The following TMEM132B variants were observed in gnomAD, a reference collection of about 807,000 sequenced individuals.
TMEM132B encodes the protein transmembrane protein 132B.
TMEM132B carries 18 observed loss-of-function variants against 90.8 expected under a neutral mutation model. That is an observed-to-expected ratio of 0.20 (90% CI 0.14 to 0.29). The LOEUF is 0.29. TMEM132B is among the 10% of genes least tolerant of loss of function. TMEM132B has a pLI of 1.00. For synonymous variants in TMEM132B, 504 were observed against 523.3 expected (o/e 0.96, Z 0.50); for missense variants, 1,096 against 1,326.8 (o/e 0.83, Z 2.70).
rs566286996 is a variant in TMEM132B, at chr12:125,314,426, G to C, written c.68-35026G>C. On this transcript the variant is annotated intron_variant, in intron 1 of 8. Transcript: ENST00000682704. ...GAAGCCTGGTTTGCAAGGTAACGCTGCCTTCTGCCTTGAAGGCGAGGAACA... is the reference window on the plus strand; with the variant it reads ...GAAGCCTGGTTTGCAAGGTAACGCTCCCTTCTGCCTTGAAGGCGAGGAACA... Among the ~76,000 whole-genome samples, 6 of 152,350 alleles carry C rather than the reference G, an allele frequency of 3.9e-5. No individual in the cohort carries two copies. In the South Asian group the frequency reaches 8.3e-4, roughly 21 times the overall value.
In TMEM132B at chr12:125,389,366, C is replaced by T. The variant is rs368629866; in HGVS notation, c.960-26165C>T. Among the ~76,000 whole-genome samples, 80 of 134,570 alleles carry T rather than the reference C, an allele frequency of 5.9e-4. 1 individual carries two copies. In the East Asian group the frequency reaches 0.019, roughly 33 times the overall value. 88.3% of individuals were successfully genotyped at this position (134,570 alleles called of 152,430 possible). ...CCCTCCCCTCAACTCCCCTCCCCTT[C>T]CCTTCCTTTTCATCCTTTCCTTTGC... is the stretch of plus-strand genomic sequence containing the variant. On this transcript the variant is annotated intron_variant, in intron 2 of 8. Coordinates refer to ENST00000682704, the MANE Select transcript of TMEM132B (RefSeq NM_001366854.1).
At position 125,243,032 on chromosome 12, in the gene TMEM132B, T is replaced by TATATATATATACAC. The variant is rs1215676534; in HGVS notation, c.67+56167_67+56168insTATATATATACACA. Among the ~76,000 whole-genome samples, 368 of 134,952 alleles carry TATATATATATACAC rather than the reference T, an allele frequency of 2.7e-3. 5 individuals carry two copies. The highest frequency in any genetic ancestry group is 9.1e-3 in the African/African-American group (330 of 36,248). The allele number at this position is 134,952 out of a possible 152,430, so 88.5% of individuals were successfully genotyped here. On this transcript the variant is annotated intron_variant, in intron 1 of 8. Transcript: ENST00000682704. Reference sequence around the variant, plus strand: ...CTTCATATATATATATATATATATATACACACACACACACACACACATACA... The same window carrying TATATATATATACAC: ...CTTCATATATATATATATATATATATATATATATATACACACACACACACACACACACACATACA...
At chr12:125,421,899 G>A (rs1880178958) in intron 3 of TMEM132B, among the ~76,000 whole-genome samples, 2 of 152,164 alleles carry the variant, frequency 1.3e-5, no homozygotes, top group Admixed American at 6.5e-5. Context: ...AGAAAAGAAG[G>A]GAGACAGTTG....
At chr12:125,190,507 G>C (rs1219192278) in intron 1 of TMEM132B, among the ~76,000 whole-genome samples, 1 of 135,986 alleles carries the variant, frequency 7.4e-6, no homozygotes, top group African/African-American at 3.1e-5. Flanking sequence ...TGATGGGAAG[G>C]GGTGGTGATG....
chr12:125,646,942 A>G (rs1221041587), intron 6 of TMEM132B, among the ~76,000 whole-genome samples: 1 of 152,224 alleles, frequency 6.6e-6, no homozygotes, highest in Non-Finnish European at 1.5e-5. Flanking sequence ...GAAAAAAGAA[A>G]AGCTTTCAGT....
chr12:125,345,540 A>G (rs996735990), intron 1 of TMEM132B, among the ~76,000 whole-genome samples: 3 of 152,140 alleles, frequency 2.0e-5, no homozygotes, highest in Non-Finnish European at 4.4e-5. Context: ...GCTTCATTCT[A>G]GGAGTAATAT....
chr12:125,521,280 TTTCTCC>T (rs1410690438), intron 4 of TMEM132B, among the ~76,000 whole-genome samples: 6 of 152,128 alleles, frequency 3.9e-5, no homozygotes, highest in Non-Finnish European at 7.4e-5. Context: ...CTTCTCCTTC[TTTCTCC>T]TTCTCCTTCT....
Position 125,417,196 on chromosome 12 carries a change from G to A in TMEM132B, c.1106+1519G>A, listed in dbSNP as rs764153565. The stretch of plus-strand genomic sequence containing the variant: ...TCCAGGCATCATAGACTCACCCAAC[G>A]ATATCCAAAGACTGGAAGGGGGAGG... On this transcript the variant is annotated intron_variant, in intron 3 of 8. Coordinates refer to ENST00000682704, the MANE Select transcript of TMEM132B (RefSeq NM_001366854.1). 6.7e-4 allele frequency among the ~76,000 whole-genome samples: 101 copies of A among 151,762 alleles called. 1 individual carries two copies. Among genetic ancestry groups the A allele is most frequent in the Non-Finnish European group, 4.3e-4 (29 of 67,908 alleles).
intron 3 of TMEM132B, among the ~76,000 whole-genome samples, chr12:125,444,525 A>C (rs549474894): frequency 1.3e-5 from 2 of 152,310 alleles, no homozygotes; most frequent in East Asian, 3.9e-4. Flanking sequence ...TATTATCAAT[A>C]ATCTTTGAAT....
At chr12:125,268,587 A>T (rs1426508085) in intron 1 of TMEM132B, among the ~76,000 whole-genome samples, 1 of 152,244 alleles carries the variant, frequency 6.6e-6, no homozygotes, top group East Asian at 1.9e-4. Flanking sequence ...GTATGTGACT[A>T]TGTTAAAAAG....
At chr12:125,472,411 G>A (rs531102376) in intron 3 of TMEM132B, among the ~76,000 whole-genome samples, 2 of 152,190 alleles carry the variant, frequency 1.3e-5, no homozygotes, top group Non-Finnish European at 1.5e-5. Flanking sequence ...TGGACGTGGG[G>A]TTGGTCTTTG....
At chr12:125,348,533 C>T (rs1877444465) in intron 1 of TMEM132B, among the ~76,000 whole-genome samples, 1 of 148,514 alleles carries the variant, frequency 6.7e-6, no homozygotes, top group African/African-American at 2.5e-5. Context: ...CAGGGTCTCA[C>T]TGTTTTGCTC....
chr12:125,340,780 T>A (rs1023773347), intron 1 of TMEM132B, among the ~76,000 whole-genome samples: 1 of 152,242 alleles, frequency 6.6e-6, no homozygotes, highest in African/African-American at 2.4e-5. Context: ...ATCCAAAAGC[T>A]GTCAGCAGTC....
chr12:125,234,567 C>T (rs1008870361), intron 1 of TMEM132B, among the ~76,000 whole-genome samples: 2 of 152,198 alleles, frequency 1.3e-5, no homozygotes, highest in African/African-American at 4.8e-5. Flanking sequence ...TTGTACCAAC[C>T]CCCCTCGGTC....
At chr12:125,353,777 A>G (rs2136238617) in intron 2 of TMEM132B, among the ~76,000 whole-genome samples, 1 of 152,298 alleles carries the variant, frequency 6.6e-6, no homozygotes, top group East Asian at 1.9e-4. Flanking sequence ...CAGTCAGGCC[A>G]GAGCTAAGGG....
In TMEM132B at chr12:125,515,650, AC is replaced by A. The variant is rs201912243; in HGVS notation, c.1107-3784del. Among the ~76,000 whole-genome samples, 1,185 of 145,058 alleles carry A rather than the reference AC, an allele frequency of 8.2e-3. 22 individuals carry two copies. The highest frequency in any genetic ancestry group is 0.027 in the African/African-American group (1,066 of 38,814). On this transcript the variant is annotated intron_variant, in intron 3 of 8. Coordinates refer to ENST00000682704, the MANE Select transcript of TMEM132B (RefSeq NM_001366854.1). ...TAGTCACACACATTGACACATTCAC[AC>A]CCCCTTCACACATTCTTTCTCACAC... is the stretch of plus-strand genomic sequence containing the variant.
chr12:125,557,637 A>G (rs531045088), intron 4 of TMEM132B, among the ~76,000 whole-genome samples: 3 of 152,340 alleles, frequency 2.0e-5, no homozygotes, highest in East Asian at 3.9e-4. Flanking sequence ...GCTTAAATTC[A>G]TTCATTTATT....
chr12:125,525,979 T>C (rs1019419521), intron 4 of TMEM132B, among the ~76,000 whole-genome samples: 6 of 152,194 alleles, frequency 3.9e-5, no homozygotes, highest in African/African-American at 1.2e-4. Flanking sequence ...TTAAAAAGGA[T>C]TGAAGCACAG....
rs75275327 is a variant in TMEM132B, at chr12:125,350,446, A to G, written c.959+103A>G. 2.5e-3 allele frequency: 3,274 copies of G among 1,331,730 alleles called. 9 individuals are homozygous for G. The highest frequency in any genetic ancestry group is 6.2e-3 in the Middle Eastern group (28 of 4,542). The allele number at this position is 1,331,730 out of a possible 1,614,324, so 82.5% of individuals were successfully genotyped here. On this transcript the variant is annotated intron_variant, in intron 2 of 8. Transcript: ENST00000682704. ...GTTGATCATTTGCTGACTATTGTCA[A>G]AAATGAATACAGCTGGTCATTAAAG...
Sources: allele counts gnomAD v4.1 joint callset (sites outside exome capture counted in the v4.1 genomes callset), GRCh38; gene constraint gnomAD v4.1.1; transcripts MANE v1.5; gene names NCBI Gene and HGNC (gene_info 2026-07-23, HGNC 2026-07-21).